Variants in HIRA observed in about 807,000 individuals in gnomAD.
HIRA encodes the protein histone cell cycle regulator.
Under a neutral mutation model 126.6 loss-of-function variants are expected in HIRA, and 13 were observed. The observed-to-expected ratio is 0.10, with a 90% CI of 0.07 to 0.16. The LOEUF is 0.16. Ranked by LOEUF, HIRA falls within the 10% of genes least tolerant of loss-of-function variation. The probability of loss-of-function intolerance (pLI) is 1.00; values close to 1 mark genes in which losing one functional copy is unlikely to be tolerated. For synonymous variants in HIRA, 511 were observed against 520.0 expected (o/e 0.98, Z 0.24); for missense variants, 834 against 1,314.4 (o/e 0.63, Z 5.65).
At chr22:19,390,023 A>C (rs972927632) in intron 9 of HIRA, among the ~76,000 whole-genome samples, 1 of 151,562 alleles carries the variant, frequency 6.6e-6, no homozygotes, top group Non-Finnish European at 1.5e-5. Flanking sequence ...ATGTGTGTGC[A>C]CTTTGCTTTA....
At chr22:19,407,844 G>C (rs1352837279) in intron 3 of HIRA, among the ~76,000 whole-genome samples, 3 of 152,136 alleles carry the variant, frequency 2.0e-5, no homozygotes, top group African/African-American at 7.2e-5. Context: ...GCCCCTGATG[G>C]GCCAGAGCCT....
intron 13 of HIRA, among the ~76,000 whole-genome samples, chr22:19,382,850 C>T (rs961039360): frequency 6.6e-6 from 1 of 150,472 alleles, no homozygotes; most frequent in Non-Finnish European, 1.5e-5. Context: ...ACTATATACA[C>T]TGGGACAACA....
In HIRA at chr22:19,361,317, T is replaced by C. The variant is rs781295351; in HGVS notation, c.2005A>G (p.Lys669Glu). ...VQSPAALTAEKEAMCLSAPAL... is the reference protein window; with the variant it reads ...VQSPAALTAEEEAMCLSAPAL... ...GGTGCAGACAGACACATGGCCTCCT[T>C]CTCTGCGGTTAGGGCAGCTGGAGAC... The change falls in exon 17 of 25, where the codon AAG becomes GAG. Residue 669 changes from lysine (K) to glutamate (E), a missense_variant. By Grantham distance (56) the Lys-to-Glu change is moderately conservative (BLOSUM62 1). Coordinates refer to ENST00000263208, the MANE Select transcript of HIRA (RefSeq NM_003325.4). The C allele has an allele frequency of 6.2e-7, 1 of 1,614,186 alleles. No homozygotes were observed. Among genetic ancestry groups the C allele is most frequent in the Non-Finnish European group, 8.5e-7 (1 of 1,180,014 alleles).
intron 24 of HIRA, among the ~76,000 whole-genome samples, chr22:19,343,412 A>T (rs1226430512): frequency 1.3e-5 from 2 of 151,294 alleles, no homozygotes; most frequent in Non-Finnish European, 2.9e-5. Context: ...AAAAATAAAA[A>T]ATTTGCCAGG....
intron 18 of HIRA, among the ~76,000 whole-genome samples, chr22:19,357,962 C>G (rs2088828738): frequency 6.6e-6 from 1 of 152,168 alleles, no homozygotes; most frequent in African/African-American, 2.4e-5. Flanking sequence ...ACACTCTAAG[C>G]AGCACGGGCA....
intron 13 of HIRA, among the ~76,000 whole-genome samples, chr22:19,382,621 C>A (rs1345670477): frequency 6.6e-6 from 1 of 152,158 alleles, no homozygotes; most frequent in African/African-American, 2.4e-5. Context: ...GGATGGACAA[C>A]TGCAAAACGC....
In HIRA at chr22:19,331,111, C is replaced by T. The variant is rs1216000039; in HGVS notation, c.*329G>A. 2.4e-5 allele frequency: 30 copies of T among 1,250,352 alleles called. No individual in the cohort carries two copies. The highest frequency in any genetic ancestry group is 2.9e-5 in the Non-Finnish European group (28 of 973,930). 77.5% of individuals were successfully genotyped at this position (1,250,352 alleles called of 1,614,324 possible). A position where few individuals can be genotyped will look rare whatever the true frequency, so the allele number is the denominator to read the frequency against. On this transcript the variant is annotated 3_prime_UTR_variant, in exon 25 of 25. Transcript: ENST00000263208. ...TGAAGCAGCATGGTGCCTGCAGCAG[C>T]AGGGGCTAGTGTCCACCTTGGGGCC...
chr22:19,398,300 C>T (rs1270288557), intron 5 of HIRA, among the ~76,000 whole-genome samples: 1 of 152,238 alleles, frequency 6.6e-6, no homozygotes, highest in East Asian at 1.9e-4. Context: ...GACGAAGCAA[C>T]TGAGGGCGTG....
rs570592405 is a variant in HIRA at position 19,357,119 on chromosome 22, A to G, written c.2235-68T>C. 7.0e-5 allele frequency: 109 copies of G among 1,567,218 alleles called. 1 individual carries two copies. In the African/African-American group the frequency reaches 1.3e-3, roughly 19 times the overall value. Reference sequence around the variant, plus strand: ...CTGCAGCCAAGACAGTAGCCCTGGAAGTGTGGGCCTTCCCTCTGCCTGGGC... The same window carrying G: ...CTGCAGCCAAGACAGTAGCCCTGGAGGTGTGGGCCTTCCCTCTGCCTGGGC... On this transcript the variant is annotated intron_variant, in intron 18 of 24. Coordinates refer to ENST00000263208, the MANE Select transcript of HIRA (RefSeq NM_003325.4).
At chr22:19,410,855 G>T in intron 1 of HIRA, 77 bp from the exon 2 acceptor site, 1 of 1,166,576 alleles carries the variant, frequency 8.6e-7, no homozygotes, top group Non-Finnish European at 1.3e-6. Flanking sequence ...AACAGATTCA[G>T]TTAAAGTCTA....
chr22:19,421,163 G>A (rs1405893595), intron 1 of HIRA, among the ~76,000 whole-genome samples: 1 of 152,174 alleles, frequency 6.6e-6, no homozygotes, highest in Non-Finnish European at 1.5e-5. Context: ...ATTGGGTGTG[G>A]TGGCAAGTGC....
chr22:19,425,782 G>A (rs1054488784), intron 1 of HIRA, among the ~76,000 whole-genome samples: 14 of 152,234 alleles, frequency 9.2e-5, no homozygotes, highest in East Asian at 5.8e-4. Context: ...TCAGGAGTTC[G>A]AGAGCAGCCA....
intron 15 of HIRA, among the ~76,000 whole-genome samples, chr22:19,364,040 TG>T (rs1364914060): frequency 1.3e-5 from 2 of 151,492 alleles, no homozygotes; most frequent in African/African-American, 4.9e-5. Context: ...CCCACTCTGG[TG>T]GGGGATGCTG....
intron 2 of HIRA, among the ~76,000 whole-genome samples, 162 bp downstream of exon 2, chr22:19,410,554 G>T (rs886942662): frequency 1.3e-5 from 2 of 152,216 alleles, no homozygotes; most frequent in African/African-American, 4.8e-5. Flanking sequence ...AAAGGATTTT[G>T]ATTTTATTCA....
intron 19 of HIRA, among the ~76,000 whole-genome samples, 177 bp from the exon 20 acceptor site, chr22:19,356,465 T>C (rs556609138): frequency 3.9e-5 from 6 of 152,238 alleles, no homozygotes; most frequent in African/African-American, 9.6e-5. Flanking sequence ...ACACTCCCTC[T>C]GCATTAAGGC....
rs116694036 is a variant in HIRA at position 19,375,665 on chromosome 22, C to T, written c.1741G>A (p.Ala581Thr). ...ERSKATPGAP[A>T]LTSMTPTAVE... The stretch of plus-strand genomic sequence containing the variant: ...GCTGTCGGAGTCATGCTGGTCAGGG[C>T]AGGAGCACCTGGTGTGGCTTTGGAC... The change falls in exon 15 of 25, where the codon GCC becomes ACC. Residue 581 changes from alanine (A) to threonine (T), a missense_variant. Coordinates refer to ENST00000263208, the MANE Select transcript of HIRA (RefSeq NM_003325.4). 192 of 1,614,226 alleles carry T rather than the reference C, an allele frequency of 1.2e-4. No homozygotes were observed. The East Asian group carries it at 3.9e-3, about 33-fold the overall frequency.
intron 24 of HIRA, among the ~76,000 whole-genome samples, chr22:19,340,958 T>C (rs1556007380): frequency 6.6e-6 from 1 of 152,156 alleles, no homozygotes; most frequent in Non-Finnish European, 1.5e-5. Context: ...ACAGATTCAA[T>C]GCAATTCCCA....
Position 19,383,710 on chromosome 22 carries a change from CA to C in HIRA, c.1330-6del. The C allele has an allele frequency of 6.2e-7, 1 of 1,612,820 alleles. No individual in the cohort carries two copies. Among genetic ancestry groups the C allele is most frequent in the Non-Finnish European group, 8.5e-7 (1 of 1,179,020 alleles). On this transcript the variant is annotated splice_polypyrimidine_tract_variant and splice_region_variant and intron_variant, in intron 12 of 24. Coordinates refer to ENST00000263208, the MANE Select transcript of HIRA (RefSeq NM_003325.4). ...AACTTGTTTCTTCAAAAGATTCTGGCAAAGCAGAGTTACATAAATGAATGCA... is the reference window on the plus strand; with the variant it reads ...AACTTGTTTCTTCAAAAGATTCTGGCAAGCAGAGTTACATAAATGAATGCA...
chr22:19,414,280 G>A (rs919084752), intron 1 of HIRA, among the ~76,000 whole-genome samples: 7 of 152,168 alleles, frequency 4.6e-5, no homozygotes, highest in African/African-American at 1.7e-4. Context: ...AATACATTAA[G>A]GAAGCTGGGA....
Sources: allele counts gnomAD v4.1 joint callset (sites outside exome capture counted in the v4.1 genomes callset), GRCh38; gene constraint gnomAD v4.1.1; transcripts MANE v1.5; gene names NCBI Gene and HGNC (gene_info 2026-07-23, HGNC 2026-07-21).